INPP4B: variants seen among roughly 807,000 people sequenced by gnomAD.
The protein encoded by INPP4B is inositol polyphosphate-4-phosphatase type II B, also known as inositol polyphosphate 4-phosphatase type II.
INPP4B carries 55 observed loss-of-function variants against 122.5 expected under a neutral mutation model. That is an observed-to-expected ratio of 0.45 (90% CI 0.36 to 0.56). INPP4B has a LOEUF of 0.56. Ranked by LOEUF, INPP4B falls within the 20% of genes least tolerant of loss-of-function variation. The pLI is 0.00. For synonymous variants in INPP4B, 403 were observed against 388.7 expected (o/e 1.04, Z -0.43); for missense variants, 1,000 against 1,097.7 (o/e 0.91, Z 1.26).
chr4:142,353,694 G>A (rs1469047814), intron 7 of INPP4B, among the ~76,000 whole-genome samples: 1 of 151,870 alleles, frequency 6.6e-6, no homozygotes. Context: ...GATAAATATT[G>A]TACAAAGGAA....
At chr4:142,483,181 G>GTTT (rs1231258221) in intron 2 of INPP4B, among the ~76,000 whole-genome samples, 3 of 72,392 alleles carry the variant, frequency 4.1e-5, no homozygotes, top group African/African-American at 2.6e-4. Context: ...GTCAGGCTAT[G>GTTT]CTTTTTTTTT....
At chr4:142,814,375 A>G (rs1212734684) in intron 1 of INPP4B, among the ~76,000 whole-genome samples, 1 of 152,210 alleles carries the variant, frequency 6.6e-6, no homozygotes. Flanking sequence ...CAAACATGTT[A>G]GCATAAATTG....
chr4:142,686,137 C>G (rs1759316938), intron 2 of INPP4B, among the ~76,000 whole-genome samples: 1 of 151,988 alleles, frequency 6.6e-6, no homozygotes, highest in African/African-American at 2.4e-5. Context: ...CTATATGACC[C>G]ATAAGAATTT....
intron 7 of INPP4B, among the ~76,000 whole-genome samples, chr4:142,366,537 T>C (rs115784071): frequency 0.015 from 2,235 of 152,252 alleles, 66 homozygotes; most frequent in African/African-American, 0.05. Context: ...GATTATATAA[T>C]GACTATTTTA....
At chr4:142,324,308 C>A (rs751532088) in intron 7 of INPP4B, among the ~76,000 whole-genome samples, 11 of 152,052 alleles carry the variant, frequency 7.2e-5, no homozygotes, top group Non-Finnish European at 1.6e-4. Flanking sequence ...GTAGCCCTAG[C>A]CAACTAAGAT....
chr4:142,702,764 A>G (rs1761979918), intron 2 of INPP4B, among the ~76,000 whole-genome samples: 1 of 149,178 alleles, frequency 6.7e-6, no homozygotes, highest in African/African-American at 2.5e-5. Flanking sequence ...AGAACTTTGA[A>G]TTTACTTTGG....
chr4:142,293,769 C>A (rs951978160), intron 9 of INPP4B, among the ~76,000 whole-genome samples: 1 of 152,196 alleles, frequency 6.6e-6, no homozygotes, highest in African/African-American at 2.4e-5. Context: ...GGTAGAAATT[C>A]CTGAGCTGGA....
intron 9 of INPP4B, among the ~76,000 whole-genome samples, chr4:142,303,180 T>C (rs1416964828): frequency 6.6e-6 from 1 of 152,146 alleles, no homozygotes; most frequent in African/African-American, 2.4e-5. Context: ...AAAGCACATA[T>C]GACACGGAAG....
chr4:142,045,687 A>C (rs1215814792), intron 25 of INPP4B, among the ~76,000 whole-genome samples: 1 of 152,106 alleles, frequency 6.6e-6, no homozygotes, highest in Non-Finnish European at 1.5e-5. Flanking sequence ...ATTTCCCAAA[A>C]TGTGTGTAAT....
At chr4:142,534,709 A>C (rs1263938352) in intron 2 of INPP4B, among the ~76,000 whole-genome samples, 1 of 150,968 alleles carries the variant, frequency 6.6e-6, no homozygotes, top group Non-Finnish European at 1.5e-5. Flanking sequence ...AAACAGAATA[A>C]AAGACTAATG....
intron 2 of INPP4B, among the ~76,000 whole-genome samples, chr4:142,588,652 A>G (rs1031618494): frequency 3.3e-5 from 5 of 151,328 alleles, no homozygotes; most frequent in African/African-American, 1.2e-4. Context: ...TGAGGTCTAT[A>G]TGCAGAAAAC....
chr4:142,767,206 T>G (rs1772284775), intron 1 of INPP4B, among the ~76,000 whole-genome samples: 1 of 152,210 alleles, frequency 6.6e-6, no homozygotes, highest in Non-Finnish European at 1.5e-5. Flanking sequence ...TCTTTTAGAT[T>G]GTTCTTCTTC....
intron 7 of INPP4B, among the ~76,000 whole-genome samples, chr4:142,365,825 C>T (rs1403830805): frequency 6.6e-6 from 1 of 151,982 alleles, no homozygotes; most frequent in Admixed American, 6.6e-5. Flanking sequence ...TTTTCCCTCA[C>T]TTACTCAGGG....
intron 8 of INPP4B, among the ~76,000 whole-genome samples, chr4:142,311,490 C>T (rs983375526): frequency 3.9e-5 from 6 of 152,070 alleles, no homozygotes; most frequent in Non-Finnish European, 7.4e-5. Flanking sequence ...AAAATAAAAT[C>T]ATGGTGTGCT....
chr4:142,577,450 T>C (rs140727949), intron 2 of INPP4B, among the ~76,000 whole-genome samples: 9 of 152,168 alleles, frequency 5.9e-5, no homozygotes, highest in African/African-American at 2.2e-4. Context: ...TACAATCACA[T>C]AACACAGTTC....
At chr4:142,579,780 C>T (rs1421185749) in intron 2 of INPP4B, among the ~76,000 whole-genome samples, 1 of 151,276 alleles carries the variant, frequency 6.6e-6, no homozygotes, top group African/African-American at 2.4e-5. Flanking sequence ...CTGACTCACT[C>T]AGATAATCGT....
At chr4:142,524,723 T>C (rs1189666142) in intron 2 of INPP4B, among the ~76,000 whole-genome samples, 4 of 152,310 alleles carry the variant, frequency 2.6e-5, no homozygotes, top group Admixed American at 1.3e-4. Context: ...AATTAGGTAT[T>C]GACGGGACGT....
In INPP4B at chr4:142,429,173, C is replaced by T. The variant is rs746064780; in HGVS notation, c.136G>A (p.Ala46Thr). The part of the protein sequence containing the change: ...PNEPQLEFIL[A>T]CKDLVAPVRD... ...ATATAAATAAGATGGAATTTCTTACCAAGGATGAATTCCAACTGCGGTTCA... is the reference window on the plus strand; with the variant it reads ...ATATAAATAAGATGGAATTTCTTACTAAGGATGAATTCCAACTGCGGTTCA... The change falls in exon 5 of 26, where the codon GCA becomes ACA. Residue 46 changes from alanine to threonine, a missense_variant and splice_region_variant. By Grantham distance (58) the Ala-to-Thr change is moderately conservative (BLOSUM62 0). Transcript: ENST00000262992. 3.3e-6 allele frequency: 5 copies of T among 1,534,370 alleles called. No individual in the cohort carries two copies. The South Asian group carries it at 5.7e-5, about 18-fold the overall frequency.
intron 12 of INPP4B, among the ~76,000 whole-genome samples, chr4:142,211,832 T>C (rs1214493475): frequency 6.6e-6 from 1 of 152,188 alleles, no homozygotes; most frequent in Non-Finnish European, 1.5e-5. Flanking sequence ...AGATAGAACT[T>C]TCCTGGGTGT....
Sources: allele counts gnomAD v4.1 joint callset (sites outside exome capture counted in the v4.1 genomes callset), GRCh38; gene constraint gnomAD v4.1.1; transcripts MANE v1.5; gene names NCBI Gene and HGNC (gene_info 2026-07-23, HGNC 2026-07-21).